The following STK32B variants were observed in gnomAD, a reference collection of about 807,000 sequenced individuals.
The protein encoded by STK32B is serine/threonine-protein kinase 32B.
Under a neutral mutation model 52.6 loss-of-function variants are expected in STK32B, and 43 were observed. The observed-to-expected ratio is 0.82, with a 90% CI of 0.64 to 1.05. The LOEUF (loss-of-function observed/expected upper bound fraction) is 1.05, where lower values mean the gene tolerates loss of function less well. Ranked by LOEUF, STK32B falls within the 50% of genes least tolerant of loss-of-function variation. The probability of loss-of-function intolerance (pLI) is 0.00; values close to 1 mark genes in which losing one functional copy is unlikely to be tolerated. For missense variants in STK32B, 621 were observed against 534.6 expected, an observed-to-expected ratio of 1.16 and a Z score of -1.59; for synonymous variants, 238 against 204.3, an observed-to-expected ratio of 1.17 and a Z score of -1.41.
rs1448542015 is a variant in STK32B at position 5,398,833 on chromosome 4, C to G, written c.472+589C>G. On this transcript the variant is annotated intron_variant, in intron 5 of 11. Transcript: ENST00000282908. The surrounding 1 kb of genome is among the most constrained non-coding windows in gnomAD (Gnocchi z 4.9). ...AGATGGGACTAGACTCTGCAAAGTC[C>G]AGAGTCTGCAAAGCTCCCAGGTGGC... Among the ~76,000 whole-genome samples, 1 of 152,214 alleles carries G rather than the reference C, an allele frequency of 6.6e-6. No homozygotes were observed. The highest frequency in any genetic ancestry group is 2.4e-5 in the African/African-American group (1 of 41,450).
intron 3 of STK32B, among the ~76,000 whole-genome samples, chr4:5,303,307 A>T (rs1317979850): frequency 6.6e-6 from 1 of 152,056 alleles, no homozygotes; most frequent in East Asian, 1.9e-4. Flanking sequence ...CAACAGTGTA[A>T]AAGTGTTTCA....
chr4:5,159,541 GTA>G (rs1491489118), intron 2 of STK32B, among the ~76,000 whole-genome samples: 39 of 109,532 alleles, frequency 3.6e-4, no homozygotes, highest in Non-Finnish European at 7.0e-4. Context: ...ATGTATATAT[GTA>G]TATATATGAA....
At chr4:5,363,451 A>G (rs1734678114) in intron 4 of STK32B, among the ~76,000 whole-genome samples, 1 of 152,170 alleles carries the variant, frequency 6.6e-6, no homozygotes, top group South Asian at 2.1e-4. Context: ...AGCCTTGATG[A>G]GCTGTGTCCT....
At chr4:5,279,655 G>A (rs944808631) in intron 3 of STK32B, among the ~76,000 whole-genome samples, 2 of 152,188 alleles carry the variant, frequency 1.3e-5, no homozygotes, top group African/African-American at 4.8e-5. Flanking sequence ...CACATATCCT[G>A]TGTGGACTGC....
intron 6 of STK32B, among the ~76,000 whole-genome samples, chr4:5,421,246 C>A (rs1026453520): frequency 5.3e-5 from 8 of 151,912 alleles, no homozygotes; most frequent in African/African-American, 1.5e-4. Context: ...CCCGCCACCA[C>A]GCCTGGCTAT....
At position 5,159,632 on chromosome 4, in the gene STK32B, T is replaced by TATATATGAATGTATATGA. The variant is rs1718219548; in HGVS notation, c.109-8661_109-8660insGAATGTATATGAATATAT. ...ATGAATATATATGAATATATATGAA[T>TATATATGAATGTATATGA]ATATATATGAATGTATATGAATATA... On this transcript the variant is annotated intron_variant, in intron 2 of 11. Coordinates refer to ENST00000282908, the MANE Select transcript of STK32B (RefSeq NM_018401.3). 5.0e-5 allele frequency among the ~76,000 whole-genome samples: 4 copies of TATATATGAATGTATATGA among 80,088 alleles called. 1 individual carries two copies. The highest frequency in any genetic ancestry group is 8.8e-5 in the Non-Finnish European group (4 of 45,444). 52.5% of individuals were successfully genotyped at this position (80,088 alleles called of 152,430 possible).
At chr4:5,162,170 C>A (rs970104445) in intron 2 of STK32B, among the ~76,000 whole-genome samples, 2 of 152,196 alleles carry the variant, frequency 1.3e-5, no homozygotes, top group South Asian at 4.1e-4. Flanking sequence ...CTGTACTCCT[C>A]TGTCCTCCTG....
intron 2 of STK32B, among the ~76,000 whole-genome samples, chr4:5,150,803 A>G (rs903768188): frequency 3.3e-5 from 5 of 152,186 alleles, no homozygotes; most frequent in East Asian, 1.9e-4. Context: ...AGGTTTGCCC[A>G]TAATCTCATG....
intron 1 of STK32B, among the ~76,000 whole-genome samples, chr4:5,102,782 A>T (rs1206736706): frequency 1.3e-5 from 2 of 150,312 alleles, no homozygotes; most frequent in Non-Finnish European, 3.0e-5. Flanking sequence ...ACCTGAAATG[A>T]TCTGCCCACC....
At chr4:5,183,292 G>C (rs1398110502) in intron 3 of STK32B, among the ~76,000 whole-genome samples, 1 of 151,988 alleles carries the variant, frequency 6.6e-6, no homozygotes, top group African/African-American at 2.4e-5. Context: ...AGCCTGACCA[G>C]CATGGAGAAA....
At chr4:5,122,991 C>G (rs1715154460) in intron 1 of STK32B, among the ~76,000 whole-genome samples, 1 of 152,188 alleles carries the variant, frequency 6.6e-6, no homozygotes, top group Non-Finnish European at 1.5e-5. Context: ...CCTCCTGTGG[C>G]TGTGGAGCCC....
intron 5 of STK32B, among the ~76,000 whole-genome samples, chr4:5,413,027 C>T (rs945095787): frequency 2.0e-5 from 3 of 152,150 alleles, no homozygotes; most frequent in Admixed American, 1.3e-4. Flanking sequence ...AGCCCTTGTG[C>T]TGACATTCCC....
At chr4:5,359,909 TG>T (rs1385589620) in intron 4 of STK32B, among the ~76,000 whole-genome samples, 1 of 151,978 alleles carries the variant, frequency 6.6e-6, no homozygotes, top group Non-Finnish European at 1.5e-5. Flanking sequence ...TCTGAGAGAG[TG>T]GAAAGCTATT....
At chr4:5,032,363 C>G in the STK32B span, among the ~76,000 whole-genome samples, 4 of 150,944 alleles carry the variant, frequency 2.6e-5, no homozygotes, top group African/African-American at 9.7e-5. Context: ...GTCCCAGCTA[C>G]TCAGGAGGCT....
At chr4:5,047,112 G>C (rs1180141786), upstream of STK32B, among the ~76,000 whole-genome samples, 1 of 152,164 alleles carries the variant, frequency 6.6e-6, no homozygotes, top group Non-Finnish European at 1.5e-5. Context: ...TGATAAATGG[G>C]ATAAAGAAAA....
chr4:5,138,765 T>G (rs1482646646), intron 1 of STK32B, among the ~76,000 whole-genome samples: 1 of 152,090 alleles, frequency 6.6e-6, no homozygotes, highest in Non-Finnish European at 1.5e-5. Context: ...CCAGACGTAG[T>G]CTGGAGGGTG....
Position 5,362,464 on chromosome 4 carries a change from A to T in STK32B, c.434+31071A>T, listed in dbSNP as rs116051672. Among the ~76,000 whole-genome samples the T allele has an allele frequency of 6.0e-3, 910 of 152,328 alleles. 9 individuals carry two copies. Among genetic ancestry groups the T allele is most frequent in the African/African-American group, 0.02 (822 of 41,574 alleles). The stretch of plus-strand genomic sequence containing the variant: ...TTGGATAACTAAGGGTACAGGTAGA[A>T]GACAGAAACCACCATGAGTCTTTGA... On this transcript the variant is annotated intron_variant, in intron 4 of 11. Transcript: ENST00000282908.
chr4:5,046,049 T>C, the STK32B span, among the ~76,000 whole-genome samples: 95 of 152,312 alleles, frequency 6.2e-4, 2 homozygotes, highest in East Asian at 0.014. Flanking sequence ...AGACCCTGTA[T>C]GGCCAAGACA....
rs1560186118 is a variant in STK32B at position 5,159,645 on chromosome 4, G to GTATATGAATA, written c.109-8648_109-8639dup. Among the ~76,000 whole-genome samples the GTATATGAATA allele has an allele frequency of 3.3e-4, 16 of 48,782 alleles. 2 individuals carry two copies. The highest frequency in any genetic ancestry group is 2.5e-3 in the African/African-American group (15 of 6,066). 32.0% of individuals were successfully genotyped at this position (48,782 alleles called of 152,430 possible). ...AATATATATGAATATATATATGAAT[G>GTATATGAATA]TATATGAATATATATATGAATGTAT... On this transcript the variant is annotated intron_variant, in intron 2 of 11. Transcript: ENST00000282908.
Sources: allele counts gnomAD v4.1 joint callset (sites outside exome capture counted in the v4.1 genomes callset), GRCh38; gene constraint gnomAD v4.1.1; non-coding constraint Gnocchi (gnomAD v3.1); transcripts MANE v1.5; gene names NCBI Gene and HGNC (gene_info 2026-07-23, HGNC 2026-07-21).